Variants in KSR2 observed in about 807,000 individuals in gnomAD.
KSR2 encodes the protein kinase suppressor of ras 2.
KSR2 carries 25 observed loss-of-function variants against 107.8 expected under a neutral mutation model. That is an observed-to-expected ratio of 0.23 (90% CI 0.17 to 0.32). KSR2 has a LOEUF of 0.32. Among genes scored for constraint, KSR2 ranks in the 10% least tolerant of loss-of-function variants. The pLI is 1.00. For missense variants in KSR2, 887 were observed against 1,268.9 expected, an observed-to-expected ratio of 0.70 and a Z score of 4.57; for synonymous variants, 480 against 507.0, an observed-to-expected ratio of 0.95 and a Z score of 0.71.
At chr12:117,811,043 C>G (rs970835502) in intron 3 of KSR2, among the ~76,000 whole-genome samples, 1 of 152,168 alleles carries the variant, frequency 6.6e-6, no homozygotes, top group Non-Finnish European at 1.5e-5. Flanking sequence ...CAATTGGTTG[C>G]TTCCCAACCA....
chr12:117,655,481 C>A (rs375074460), intron 5 of KSR2, among the ~76,000 whole-genome samples: 2 of 152,276 alleles, frequency 1.3e-5, no homozygotes, highest in East Asian at 1.9e-4. Flanking sequence ...TGCTCTGAAT[C>A]GGCATCCAAT....
chr12:117,555,794 C>G (rs910901019), intron 8 of KSR2, among the ~76,000 whole-genome samples: 4 of 152,220 alleles, frequency 2.6e-5, no homozygotes, highest in Non-Finnish European at 5.9e-5. Context: ...TTCTAGGAAG[C>G]TAGGCACATA....
At chr12:117,732,435 C>A (rs563352802) in intron 4 of KSR2, among the ~76,000 whole-genome samples, 17 of 152,144 alleles carry the variant, frequency 1.1e-4, no homozygotes, top group Admixed American at 5.2e-4. Flanking sequence ...ACTACAGGCA[C>A]CTGCCACTAT....
intron 1 of KSR2, among the ~76,000 whole-genome samples, chr12:117,868,127 A>T (rs2137273981): frequency 6.6e-6 from 1 of 152,280 alleles, no homozygotes; most frequent in East Asian, 1.9e-4. Flanking sequence ...AAATGAAATA[A>T]ATATAACAAT....
intron 3 of KSR2, 41 bp downstream of exon 3, chr12:117,855,387 G>A (rs1893066633): frequency 6.2e-7 from 1 of 1,612,522 alleles, no homozygotes; most frequent in South Asian, 1.1e-5. Flanking sequence ...CAGCTGTGCT[G>A]GGGACAAGTC....
intron 1 of KSR2, among the ~76,000 whole-genome samples, chr12:117,952,163 A>C (rs540236461): frequency 6.6e-6 from 1 of 150,960 alleles, no homozygotes; most frequent in South Asian, 2.1e-4. Flanking sequence ...CATCACACAC[A>C]CACACACACA....
chr12:117,903,835 A>G (rs1436691163), intron 1 of KSR2, among the ~76,000 whole-genome samples: 1 of 152,152 alleles, frequency 6.6e-6, no homozygotes, highest in East Asian at 1.9e-4. Context: ...GGGAAACTCC[A>G]TTTCTACAAA....
At chr12:117,894,868 T>C (rs1161026343) in intron 1 of KSR2, among the ~76,000 whole-genome samples, 5 of 151,838 alleles carry the variant, frequency 3.3e-5, no homozygotes, top group South Asian at 4.2e-4. Context: ...TATGGAACTG[T>C]GAGTCAATTA....
chr12:117,885,356 C>CT (rs1566066906), intron 1 of KSR2, among the ~76,000 whole-genome samples: 1 of 152,128 alleles, frequency 6.6e-6, no homozygotes, highest in Non-Finnish European at 1.5e-5. Context: ...TTCATGCTCA[C>CT]TTATCACATT....
intron 4 of KSR2, among the ~76,000 whole-genome samples, chr12:117,683,841 C>T (rs544629304): frequency 2.0e-5 from 3 of 152,226 alleles, no homozygotes; most frequent in Non-Finnish European, 4.4e-5. Context: ...GAAATACCTT[C>T]GGCTTTGCAA....
chr12:117,799,842 G>A (rs1051814784), intron 3 of KSR2, among the ~76,000 whole-genome samples: 1 of 152,136 alleles, frequency 6.6e-6, no homozygotes, highest in African/African-American at 2.4e-5. Flanking sequence ...TGAGACTCTG[G>A]GGCACCTAAA....
At chr12:117,679,446 CTG>C (rs1294414807) in intron 4 of KSR2, among the ~76,000 whole-genome samples, 1 of 152,204 alleles carries the variant, frequency 6.6e-6, no homozygotes, top group Non-Finnish European at 1.5e-5. Context: ...GTGTGATGCA[CTG>C]TGTTCTTACA....
intron 6 of KSR2, among the ~76,000 whole-genome samples, chr12:117,580,346 G>A (rs973433588): frequency 6.6e-6 from 1 of 152,252 alleles, no homozygotes. Flanking sequence ...GAGCCAGTGA[G>A]TTTAGCAGAC....
intron 5 of KSR2, among the ~76,000 whole-genome samples, chr12:117,628,261 T>A (rs1882625885): frequency 6.6e-6 from 1 of 152,186 alleles, no homozygotes; most frequent in African/African-American, 2.4e-5. Context: ...CTGCAATCCT[T>A]TGGAGGAGAA....
intron 5 of KSR2, among the ~76,000 whole-genome samples, chr12:117,636,529 G>A (rs902227444): frequency 3.9e-5 from 6 of 152,116 alleles, no homozygotes; most frequent in Non-Finnish European, 5.9e-5. Context: ...GTACACACCT[G>A]ATCAATGACA....
rs775934535 is a variant in KSR2 at position 117,855,581 on chromosome 12, A to G, written c.322-3T>C. On this transcript the variant is annotated splice_polypyrimidine_tract_variant and splice_region_variant and intron_variant, in intron 2 of 19. Coordinates refer to ENST00000339824, the MANE Select transcript of KSR2 (RefSeq NM_173598.6). ...CTCAGCTGGCCGGGGGAGATTTCCT[A>G]GAGGAGGGGAGAAGGATTGTCAACC... is the stretch of plus-strand genomic sequence containing the variant. The G allele has an allele frequency of 3.1e-6, 5 of 1,613,750 alleles. No individual in the cohort carries two copies. The Admixed American group carries it at 6.7e-5, about 22-fold the overall frequency.
chr12:117,835,939 C>T (rs1264131166), intron 3 of KSR2, among the ~76,000 whole-genome samples: 1 of 151,822 alleles, frequency 6.6e-6, no homozygotes, highest in Non-Finnish European at 1.5e-5. Context: ...TAAGCAAGGC[C>T]GCCTACCCTA....
In KSR2 at chr12:117,554,128, C is replaced by T. The variant is rs561805798; in HGVS notation, c.1518+1041G>A. Among the ~76,000 whole-genome samples, 8 of 152,298 alleles carry T rather than the reference C, an allele frequency of 5.3e-5. No homozygotes were observed. In the South Asian group the frequency reaches 1.7e-3, roughly 32 times the overall value. ...AAGCTTTGAGATGCTTGGAAAATCACCTGCTGGTGTGTGCAACCTTTGCCT... is the reference window on the plus strand; with the variant it reads ...AAGCTTTGAGATGCTTGGAAAATCATCTGCTGGTGTGTGCAACCTTTGCCT... On this transcript the variant is annotated intron_variant, in intron 9 of 19. Transcript: ENST00000339824.
At chr12:117,633,627 T>C (rs2136379777) in intron 5 of KSR2, among the ~76,000 whole-genome samples, 1 of 152,324 alleles carries the variant, frequency 6.6e-6, no homozygotes, top group African/African-American at 2.4e-5. Flanking sequence ...TGTGGCTGTA[T>C]AACTCCAATC....
Sources: gnomAD v4.1 joint callset for allele counts (sites outside exome capture counted in the v4.1 genomes callset) on GRCh38, gnomAD v4.1.1 for gene constraint, MANE v1.5 for transcripts, NCBI Gene and HGNC (gene_info 2026-07-23, HGNC 2026-07-21) for gene names.